AK8: variants seen among roughly 807,000 people sequenced by gnomAD.
AK8 encodes the protein ATP-AMP transphosphorylase 8.
AK8 carries 44 observed loss-of-function variants against 54.6 expected under a neutral mutation model. The ratio of observed to expected loss-of-function variants is 0.81; its 90% confidence interval spans 0.63 to 1.04. AK8 has a LOEUF of 1.04. Ranked by LOEUF, AK8 falls within the 50% of genes least tolerant of loss-of-function variation. The pLI is 0.00. For synonymous variants in AK8, 239 were observed against 245.6 expected, an observed-to-expected ratio of 0.97 and a Z score of 0.25; for missense variants, 555 against 613.6, an observed-to-expected ratio of 0.90 and a Z score of 1.01.
chr9:132,747,366 G>A (rs927488438), intron 11 of AK8, among the ~76,000 whole-genome samples: 5 of 150,076 alleles, frequency 3.3e-5, no homozygotes, highest in African/African-American at 7.3e-5. Flanking sequence ...TGTTGGCCAC[G>A]ATGGTCTCAA....
Position 132,777,194 on chromosome 9 carries a change from T to C in AK8, c.1121+15440A>G, listed in dbSNP as rs115107296. Among the ~76,000 whole-genome samples, 736 of 152,242 alleles carry C rather than the reference T, an allele frequency of 4.8e-3. 5 individuals are homozygous for C. The highest frequency in any genetic ancestry group is 0.017 in the African/African-American group (707 of 41,536). ...TGGTGAGGAATTGGGTTGAACGTAC[T>C]TCTCAGAAGCTCTGATCTCCACAGA... is the stretch of plus-strand genomic sequence containing the variant. On this transcript the variant is annotated intron_variant, in intron 11 of 12. Coordinates refer to ENST00000298545, the MANE Select transcript of AK8 (RefSeq NM_152572.3).
intron 5 of AK8, among the ~76,000 whole-genome samples, chr9:132,848,868 T>C (rs1842857381): frequency 1.3e-5 from 2 of 151,068 alleles, no homozygotes; most frequent in African/African-American, 4.9e-5. Context: ...AATGAAAGTC[T>C]ATGGGGAAGC....
intron 5 of AK8, among the ~76,000 whole-genome samples, chr9:132,835,905 C>T (rs1172968197): frequency 6.6e-6 from 1 of 152,126 alleles, no homozygotes; most frequent in Non-Finnish European, 1.5e-5. Context: ...GGGTGGATCA[C>T]CTGAGGTTGA....
chr9:132,869,385 GTGCCGCCATCAACCATGC>G (rs1405981107), intron 2 of AK8, among the ~76,000 whole-genome samples: 8 of 152,182 alleles, frequency 5.3e-5, no homozygotes, highest in African/African-American at 1.2e-4. Flanking sequence ...TGTGGGCATG[GTGCCGCCATCAACCATGC>G]TGCCGCCATC....
chr9:132,827,037 AG>A lies in AK8; in HGVS notation c.573del (p.Phe192LeufsTer63). The A allele has an allele frequency of 6.2e-7, 1 of 1,614,202 alleles. No individual in the cohort carries two copies. Among genetic ancestry groups the A allele is most frequent in the Non-Finnish European group, 8.5e-7 (1 of 1,180,022 alleles). ...DPQTGEIYHT[T>X]FDWPPESEIQ... Reference sequence around the variant, plus strand: ...ATTTCAGATTCGGGTGGCCAGTCAAAGGTGGTGTGATAAATCTCTACAAGGA... The same window carrying A: ...ATTTCAGATTCGGGTGGCCAGTCAAAGTGGTGTGATAAATCTCTACAAGGA... On this transcript the variant is annotated frameshift_variant, in exon 8 of 13. Coordinates refer to ENST00000298545, the MANE Select transcript of AK8 (RefSeq NM_152572.3). LOFTEE classifies it high-confidence loss of function.
At chr9:132,802,221 T>A (rs1840493279) in intron 10 of AK8, among the ~76,000 whole-genome samples, 1 of 151,926 alleles carries the variant, frequency 6.6e-6, no homozygotes, top group Admixed American at 6.5e-5. Context: ...GTGCAGCCCA[T>A]CCTGAACAAA....
intron 9 of AK8, among the ~76,000 whole-genome samples, chr9:132,816,626 A>G (rs913684472): frequency 1.3e-5 from 2 of 152,216 alleles, no homozygotes; most frequent in African/African-American, 4.8e-5. Flanking sequence ...AAGGAGTAAC[A>G]GGTATCATAT....
At chr9:132,877,990 A>T (rs767232553) in intron 1 of AK8, 182 bp downstream of exon 1, 1 of 1,459,644 alleles carries the variant, frequency 6.9e-7, no homozygotes, top group Non-Finnish European at 9.3e-7. Flanking sequence ...CAGGACCAGG[A>T]GCGTCCCCAG....
In AK8 at chr9:132,792,763, A is replaced by T; in HGVS notation, c.992T>A (p.Leu331His). 1 of 1,560,264 alleles carries T rather than the reference A, an allele frequency of 6.4e-7. No individual in the cohort carries two copies. The highest frequency in any genetic ancestry group is 8.7e-7 in the Non-Finnish European group (1 of 1,152,090). ...FEKEMAVPDSLLMKVLSQRLD... is the reference protein window; with the variant it reads ...FEKEMAVPDSHLMKVLSQRLD... ...GCGCTGGCTCAGCACCTTCATGAGG[A>T]GGCTGTCAGGAACTGCAGAGAAGGG... Residue 331 changes from leucine (L) to histidine (H), a missense_variant, in exon 11 of 13, where the codon CTC (leucine) becomes CAC (histidine). Transcript: ENST00000298545.
intron 11 of AK8, among the ~76,000 whole-genome samples, chr9:132,728,696 C>T (rs1294333761): frequency 6.6e-6 from 1 of 152,090 alleles, no homozygotes; most frequent in Non-Finnish European, 1.5e-5. Context: ...TTCTCACTTC[C>T]TCTTTCTCAA....
rs192895902 is a variant in AK8, at chr9:132,831,284, A to C, written c.403-2558T>G. Among the ~76,000 whole-genome samples the C allele has an allele frequency of 7.9e-5, 12 of 152,306 alleles. No individual in the cohort carries two copies. The East Asian group carries it at 2.1e-3, about 27-fold the overall frequency. On this transcript the variant is annotated intron_variant, in intron 5 of 12. Coordinates refer to ENST00000298545, the MANE Select transcript of AK8 (RefSeq NM_152572.3). Reference sequence around the variant, plus strand: ...AATTCCACTGGGATTCTGGAACAACATTAAATGTGTAGATCAATTCACGAC... The same window carrying C: ...AATTCCACTGGGATTCTGGAACAACCTTAAATGTGTAGATCAATTCACGAC...
rs1271928388 is a variant in AK8, at chr9:132,725,787, A to C, written c.1341T>G (p.Tyr447Ter). ...YRNSADLEQL[Y>*]GSAITLNGDQ... is the part of the protein sequence containing the mutation. ...CCCCATTGAGGGTGATGGCCGACCC[A>C]TACAACTGCTCCAAGTCAGCTGAGT... Residue 447 changes from tyrosine (Y) to a stop codon, truncating the protein, a stop_gained, in exon 13 of 13, where the codon TAT (tyrosine) becomes TAG (stop). Coordinates refer to ENST00000298545, the MANE Select transcript of AK8 (RefSeq NM_152572.3). LOFTEE classifies it high-confidence loss of function. 6.2e-7 allele frequency: 1 copy of C among 1,603,880 alleles called. No homozygotes were observed. The highest frequency in any genetic ancestry group is 1.1e-5 in the South Asian group (1 of 88,784).
At chr9:132,873,030 T>G (rs1432635404) in intron 2 of AK8, among the ~76,000 whole-genome samples, 3 of 152,168 alleles carry the variant, frequency 2.0e-5, no homozygotes, top group South Asian at 4.1e-4. Context: ...AGCCAGGATG[T>G]TCTCGATCTC....
chr9:132,848,475 G>T (rs1239965575), intron 5 of AK8, among the ~76,000 whole-genome samples: 1 of 152,166 alleles, frequency 6.6e-6, no homozygotes. Context: ...TTGGGGTAAA[G>T]GACTGGGTTT....
chr9:132,774,118 T>C (rs938932974), intron 11 of AK8, among the ~76,000 whole-genome samples: 3 of 152,146 alleles, frequency 2.0e-5, no homozygotes, highest in African/African-American at 7.2e-5. Context: ...CTTATTGGGA[T>C]GCATGAAGCC....
intron 11 of AK8, among the ~76,000 whole-genome samples, chr9:132,773,252 A>G (rs1273511480): frequency 6.6e-6 from 1 of 152,076 alleles, no homozygotes; most frequent in African/African-American, 2.4e-5. Context: ...ACATCTGTCC[A>G]TGGCTCATTC....
chr9:132,868,693 G>T (rs1485218086), intron 2 of AK8, among the ~76,000 whole-genome samples: 1 of 152,152 alleles, frequency 6.6e-6, no homozygotes, highest in East Asian at 1.9e-4. Context: ...TTATCCTCCT[G>T]GATCACCCCC....
chr9:132,730,266 G>T (rs573185861), intron 11 of AK8, among the ~76,000 whole-genome samples: 211 of 152,278 alleles, frequency 1.4e-3, no homozygotes, highest in African/African-American at 4.4e-3. Flanking sequence ...AGGTCCAATG[G>T]GACACTGGTT....
At chr9:132,780,976 AAC>A (rs1487368745) in intron 11 of AK8, among the ~76,000 whole-genome samples, 1 of 152,146 alleles carries the variant, frequency 6.6e-6, no homozygotes, top group East Asian at 1.9e-4. Flanking sequence ...GATGCAAAAA[AAC>A]AGTGGGTCTC....
Sources: allele counts gnomAD v4.1 joint callset (sites outside exome capture counted in the v4.1 genomes callset), GRCh38; gene constraint gnomAD v4.1.1; transcripts MANE v1.5; gene names NCBI Gene and HGNC (gene_info 2026-07-23, HGNC 2026-07-21).